BEAN1: variants seen among roughly 807,000 people sequenced by gnomAD.
The protein encoded by BEAN1 is protein BEAN1.
Under a neutral mutation model 17.7 loss-of-function variants are expected in BEAN1, and 17 were observed. That is an observed-to-expected ratio of 0.96 (90% CI 0.66 to 1.44). The LOEUF (loss-of-function observed/expected upper bound fraction) is 1.44. Among genes scored for constraint, BEAN1 ranks in the 40% most tolerant of loss-of-function variants. BEAN1 has a pLI of 0.00. For missense variants in BEAN1, 359 were observed against 374.1 expected (o/e 0.96, Z 0.33); for synonymous variants, 142 against 151.8 (o/e 0.94, Z 0.47).
rs978029525 is a variant in BEAN1 at position 66,482,557 on chromosome 16, C to T, written c.*1632C>T. On this transcript the variant is annotated 3_prime_UTR_variant, in exon 5 of 5. Transcript: ENST00000536005. ...GACCACCTTAGTGGTGTACTGTTTT[C>T]TAGGCAAAAAATATCTGTCTGTTGT... is the stretch of plus-strand genomic sequence containing the variant. 3.3e-6 allele frequency: 1 copy of T among 300,448 alleles called. No homozygotes were observed. The highest frequency in any genetic ancestry group is 6.5e-6 in the Non-Finnish European group (1 of 154,808). The allele number at this position is 300,448 out of a possible 1,614,324, so 18.6% of individuals were successfully genotyped here. A position where few individuals can be genotyped will look rare whatever the true frequency, so the allele number is the denominator to read the frequency against.
intron 2 of BEAN1, among the ~76,000 whole-genome samples, chr16:66,463,406 C>A (rs1366352431): frequency 6.6e-6 from 1 of 152,158 alleles, no homozygotes; most frequent in African/African-American, 2.4e-5. Context: ...TGATGTTGGG[C>A]AACTTTTCAT....
At chr16:66,493,504 C>T (rs964275614) in exon 5 of BEAN1, 1 of 599,830 alleles carries the variant, frequency 1.7e-6, no homozygotes, top group Non-Finnish European at 3.0e-6. Flanking sequence ...GCTTCAGTGA[C>T]CCTGTCTTAC....
At chr16:66,490,457 T>TAAAATAAAATAAAATAAA (rs1567514540) in intron 4 of BEAN1, among the ~76,000 whole-genome samples, 13 of 100,632 alleles carry the variant, frequency 1.3e-4, no homozygotes, top group East Asian at 2.6e-4. Context: ...AATAAAATAA[T>TAAAATAAAATAAAATAAA]AAAATAAAAA....
intron 4 of BEAN1, among the ~76,000 whole-genome samples, chr16:66,491,070 C>T (rs904265762): frequency 2.0e-4 from 30 of 152,166 alleles, no homozygotes; most frequent in African/African-American, 6.5e-4. Context: ...CAGGCCCAGG[C>T]GAAGCTGCTC....
chr16:66,469,991 C>A (rs1459024152), intron 3 of BEAN1, 126 bp downstream of exon 3: 11 of 1,326,652 alleles, frequency 8.3e-6, no homozygotes, highest in Non-Finnish European at 1.1e-5. Flanking sequence ...TCCTAGAAGT[C>A]TTGGGTGGTC....
exon 5 of BEAN1, chr16:66,493,327 C>T (rs1181353165): frequency 6.6e-5 from 46 of 691,826 alleles, no homozygotes; most frequent in Non-Finnish European, 9.8e-5. Context: ...GGGTGGGGTC[C>T]GAGACGGCCC....
downstream of BEAN1, among the ~76,000 whole-genome samples, chr16:66,493,923 G>T (rs1964212907): frequency 6.6e-6 from 1 of 152,222 alleles, no homozygotes. Flanking sequence ...GACAACTAGG[G>T]CCTCTTGTGG....
rs892428826 is a variant in BEAN1, at chr16:66,461,544, G to A, written c.26-8058G>A. On this transcript the variant is annotated intron_variant, in intron 2 of 4. Transcript: ENST00000536005. ...GGCTGGTCCCAGAGGCAGGTTCTGC[G>A]TGCTGTGCAGGGCAGGCAGGCGCAG... Among the ~76,000 whole-genome samples, 26 of 151,084 alleles carry A rather than the reference G, an allele frequency of 1.7e-4. No individual in the cohort carries two copies. The South Asian group carries it at 3.4e-3, about 19-fold the overall frequency.
At chr16:66,467,368 A>C (rs1449555729) in intron 2 of BEAN1, among the ~76,000 whole-genome samples, 1 of 152,208 alleles carries the variant, frequency 6.6e-6, no homozygotes, top group Non-Finnish European at 1.5e-5. Flanking sequence ...AGGCCTCAAG[A>C]AACAGACAAT....
At chr16:66,431,697 G>A (rs1358462434) in intron 1 of BEAN1, among the ~76,000 whole-genome samples, 3 of 151,142 alleles carry the variant, frequency 2.0e-5, no homozygotes, top group Non-Finnish European at 4.4e-5. Flanking sequence ...AAAATAACAG[G>A]GTTTTCCCCC....
chr16:66,428,589 A>G (rs891898238), intron 1 of BEAN1: 13 of 152,450 alleles, frequency 8.5e-5, no homozygotes, highest in African/African-American at 2.9e-4. Context: ...AACCTTAAGC[A>G]AGACACAAAC....
intron 2 of BEAN1, among the ~76,000 whole-genome samples, chr16:66,442,928 C>A (rs546450130): frequency 6.6e-6 from 1 of 152,154 alleles, no homozygotes; most frequent in African/African-American, 2.4e-5. Context: ...TGGTGTTTTT[C>A]GCTCTGCTCA....
Position 66,477,633 on chromosome 16 carries a change from C to T in BEAN1, c.363C>T (p.Pro121=). The change falls in exon 4 of 5, where the codon CCC becomes CCT. Residue 121 remains proline, a synonymous_variant. Coordinates refer to ENST00000536005, the MANE Select transcript of BEAN1 (RefSeq NM_001178020.3). ...CCTGCAGCTCCTCAGAGGACTGGCC[C>T]CCACCCTTGGACATCAGCTCTGACG... ...RYACSSSEDW[P]PPLDISSDGD... 1 of 1,551,240 alleles carries T rather than the reference C, an allele frequency of 6.4e-7. No individual in the cohort carries two copies. The highest frequency in any genetic ancestry group is 1.2e-5 in the South Asian group (1 of 83,970).
At chr16:66,480,530 G>A in intron 4 of BEAN1, 56 bp from the exon 5 acceptor site, 1 of 1,384,368 alleles carries the variant, frequency 7.2e-7, no homozygotes, top group East Asian at 2.6e-5. Flanking sequence ...AGGCCTTTGG[G>A]AGAGACCCAG....
chr16:66,476,268 A>G (rs1963743466), intron 3 of BEAN1: 1 of 152,180 alleles, frequency 6.6e-6, no homozygotes, highest in African/African-American at 2.4e-5. Flanking sequence ...TTGTACCTGC[A>G]GATAGAGTTT....
chr16:66,438,944 C>G (rs1279478984), intron 2 of BEAN1, among the ~76,000 whole-genome samples: 1 of 152,208 alleles, frequency 6.6e-6, no homozygotes, highest in Non-Finnish European at 1.5e-5. Context: ...CCCCTCTCCC[C>G]TGCTCACTGT....
intron 2 of BEAN1, among the ~76,000 whole-genome samples, chr16:66,440,396 G>T (rs1013612822): frequency 6.6e-6 from 1 of 152,182 alleles, no homozygotes; most frequent in African/African-American, 2.4e-5. Flanking sequence ...CTCCCAAAGA[G>T]CTGGGATTAC....
chr16:66,493,106 C>T lies in BEAN1; in HGVS notation c.292C>T (p.Gln98Ter), dbSNP rs1964198710. 1.4e-6 allele frequency: 1 copy of T among 702,998 alleles called. No homozygotes were observed. Among genetic ancestry groups the T allele is most frequent in the African/African-American group, 1.7e-5 (1 of 57,382 alleles). 43.5% of individuals were successfully genotyped at this position (702,998 alleles called of 1,614,324 possible). A position where few individuals can be genotyped will look rare whatever the true frequency, so the allele number is the denominator to read the frequency against. Residue 98 changes from glutamine to a stop codon, truncating the protein, a stop_gained, in exon 5 of 5, where the codon CAG becomes TAG. Transcript: ENST00000561796. LOFTEE classifies it low-confidence loss of function (END_TRUNC). ...GGCCATCAGCAAAGAGAATGTCAAG[C>T]AGATGGTGTTCAAGATCTTCCTGGT... is the stretch of plus-strand genomic sequence containing the variant.
intron 2 of BEAN1, among the ~76,000 whole-genome samples, chr16:66,441,308 G>A (rs894101547): frequency 2.0e-5 from 3 of 152,080 alleles, no homozygotes; most frequent in South Asian, 2.1e-4. Context: ...GACCCTGAGC[G>A]CTCCAGACCC....
Sources: allele counts gnomAD v4.1 joint callset (sites outside exome capture counted in the v4.1 genomes callset), GRCh38; gene constraint gnomAD v4.1.1; transcripts MANE v1.5; gene names NCBI Gene and HGNC (gene_info 2026-07-23, HGNC 2026-07-21).